The following CSNK1G3 variants were observed in gnomAD, a reference collection of about 807,000 sequenced individuals.
CSNK1G3 encodes casein kinase 1 gamma 3, also known as casein kinase I isoform gamma-3.
Under a neutral mutation model 64.3 loss-of-function variants are expected in CSNK1G3, and 23 were observed. The observed-to-expected ratio is 0.36, with a 90% confidence interval of 0.26 to 0.51. The LOEUF is 0.51. Ranked by LOEUF, CSNK1G3 falls within the 20% of genes least tolerant of loss-of-function variation. The probability of loss-of-function intolerance (pLI) is 0.96; values close to 1 mark genes in which losing one functional copy is unlikely to be tolerated. For synonymous variants in CSNK1G3, 158 were observed against 162.2 expected, an observed-to-expected ratio of 0.97 and a Z score of 0.20; for missense variants, 357 against 510.5, an observed-to-expected ratio of 0.70 and a Z score of 2.90.
At chr5:123,562,284 C>T (rs918287539) in intron 4 of CSNK1G3, among the ~76,000 whole-genome samples, 2 of 151,974 alleles carry the variant, frequency 1.3e-5, no homozygotes, top group Admixed American at 6.6e-5. Context: ...AATATGTAAA[C>T]CTTTGAAACC....
intron 1 of CSNK1G3, among the ~76,000 whole-genome samples, chr5:123,526,549 A>G (rs1385230934): frequency 1.3e-5 from 2 of 152,172 alleles, no homozygotes; most frequent in South Asian, 2.1e-4. Context: ...AAACAGTTCT[A>G]TCACCCCTTA....
chr5:123,542,013 C>T (rs992784050), intron 1 of CSNK1G3, among the ~76,000 whole-genome samples: 1 of 151,660 alleles, frequency 6.6e-6, no homozygotes, highest in South Asian at 2.1e-4. Context: ...TTAAAATGTG[C>T]GTTTTAACTT....
chr5:123,542,203 T>C (rs1781778845), intron 1 of CSNK1G3, among the ~76,000 whole-genome samples: 1 of 152,178 alleles, frequency 6.6e-6, no homozygotes, highest in Non-Finnish European at 1.5e-5. Context: ...AATTAACATA[T>C]GCATTACCTT....
chr5:123,576,237 G>A (rs1261900790), intron 6 of CSNK1G3, among the ~76,000 whole-genome samples: 1 of 151,964 alleles, frequency 6.6e-6, no homozygotes, highest in Non-Finnish European at 1.5e-5. Context: ...TACAGTTATG[G>A]GGATGCATTT....
At chr5:123,588,651 A>G (rs1791770387) in intron 8 of CSNK1G3, 140 bp downstream of exon 8, 1 of 638,234 alleles carries the variant, frequency 1.6e-6, no homozygotes, top group East Asian at 2.8e-5. Context: ...TCAGCATTTG[A>G]TGCCGAACCC....
At chr5:123,573,356 T>C (rs773463684) in intron 4 of CSNK1G3, 37 bp from the exon 5 acceptor site, 173 of 1,594,028 alleles carry the variant, frequency 1.1e-4, no homozygotes, top group Non-Finnish European at 1.4e-4. Flanking sequence ...GTATTTAAGA[T>C]GATGAAATTA....
Position 123,563,008 on chromosome 5 carries a change from G to A in CSNK1G3, c.289+5444G>A, listed in dbSNP as rs79725677. Among the ~76,000 whole-genome samples the A allele has an allele frequency of 5.0e-4, 76 of 152,146 alleles. No homozygotes were observed. The East Asian group carries it at 8.9e-3, about 18-fold the overall frequency. On this transcript the variant is annotated intron_variant, in intron 4 of 12. Coordinates refer to ENST00000345990, the Ensembl canonical transcript of CSNK1G3. Reference sequence around the variant, plus strand: ...TGTTTTTGGAGGTCTGTGATTCTCAGTAACACTTCTTAATTTTTTTTGACA... The same window carrying A: ...TGTTTTTGGAGGTCTGTGATTCTCAATAACACTTCTTAATTTTTTTTGACA...
At chr5:123,592,488 A>T (rs939337054) in intron 10 of CSNK1G3, among the ~76,000 whole-genome samples, 2 of 151,734 alleles carry the variant, frequency 1.3e-5, no homozygotes, top group Admixed American at 6.6e-5. Flanking sequence ...AAAAAGTTTT[A>T]TCGAAGACAT....
chr5:123,570,952 A>G (rs1345343967), intron 4 of CSNK1G3, among the ~76,000 whole-genome samples: 1 of 152,220 alleles, frequency 6.6e-6, no homozygotes, highest in African/African-American at 2.4e-5. Flanking sequence ...TTCTTAATGT[A>G]TATAGCATTG....
At chr5:123,537,183 A>G (rs1780977873) in intron 1 of CSNK1G3, among the ~76,000 whole-genome samples, 2 of 152,210 alleles carry the variant, frequency 1.3e-5, no homozygotes, top group Non-Finnish European at 2.9e-5. Context: ...TATAGAATCA[A>G]CCTAAGTGCC....
chr5:123,603,727 A>G (rs997533132), intron 10 of CSNK1G3, among the ~76,000 whole-genome samples: 5 of 152,144 alleles, frequency 3.3e-5, no homozygotes, highest in Non-Finnish European at 7.4e-5. Flanking sequence ...ATAAGTAGGA[A>G]GAGAATTCTA....
intron 10 of CSNK1G3, among the ~76,000 whole-genome samples, chr5:123,603,870 G>A (rs1158794827): frequency 1.3e-5 from 2 of 152,122 alleles, no homozygotes; most frequent in African/African-American, 4.8e-5. Flanking sequence ...GTGGGACTTT[G>A]TCAATTTGTG....
chr5:123,573,850 A>ATTT (rs35902791), intron 5 of CSNK1G3, among the ~76,000 whole-genome samples: 4 of 140,266 alleles, frequency 2.9e-5, no homozygotes, highest in African/African-American at 5.3e-5. Context: ...AGAAACATAG[A>ATTT]TTTTTTTTTT....
chr5:123,599,398 C>T (rs953650369), intron 10 of CSNK1G3, among the ~76,000 whole-genome samples: 2 of 152,034 alleles, frequency 1.3e-5, no homozygotes, highest in Admixed American at 1.3e-4. Flanking sequence ...TTGAGGAAAA[C>T]GAAAGAATAA....
At chr5:123,516,326 A>G (rs1777157486) in intron 1 of CSNK1G3, among the ~76,000 whole-genome samples, 1 of 152,188 alleles carries the variant, frequency 6.6e-6, no homozygotes, top group South Asian at 2.1e-4. Context: ...TAATAATGTG[A>G]AATGATTTTC....
intron 12 of CSNK1G3, among the ~76,000 whole-genome samples, chr5:123,611,156 C>T (rs1257397919): frequency 1.3e-5 from 2 of 152,066 alleles, no homozygotes; most frequent in Non-Finnish European, 2.9e-5. Context: ...TTAGCTGTTT[C>T]GGTAATTACT....
At chr5:123,525,533 G>A (rs1488488987) in intron 1 of CSNK1G3, among the ~76,000 whole-genome samples, 5 of 151,996 alleles carry the variant, frequency 3.3e-5, no homozygotes, top group Non-Finnish European at 7.4e-5. Flanking sequence ...GACCTCAAGC[G>A]ATCTGCCCAC....
At chr5:123,518,175 G>A (rs1777509107) in intron 1 of CSNK1G3, among the ~76,000 whole-genome samples, 1 of 152,150 alleles carries the variant, frequency 6.6e-6, no homozygotes, top group African/African-American at 2.4e-5. Context: ...GTTCTTTGAA[G>A]GAGGAAATGT....
At chr5:123,538,718 C>T (rs1355639038) in intron 1 of CSNK1G3, among the ~76,000 whole-genome samples, 2 of 152,142 alleles carry the variant, frequency 1.3e-5, no homozygotes, top group Non-Finnish European at 2.9e-5. Context: ...TATCCCAGAA[C>T]TTAAAGTATA....
Sources: gnomAD v4.1 joint callset for allele counts (sites outside exome capture counted in the v4.1 genomes callset) on GRCh38, gnomAD v4.1.1 for gene constraint, MANE v1.5 for transcripts, NCBI Gene and HGNC (gene_info 2026-07-23, HGNC 2026-07-21) for gene names.